SULF1: variants seen among roughly 807,000 people sequenced by gnomAD.
The protein encoded by SULF1 is sulfatase 1, also known as extracellular sulfatase Sulf-1.
In SULF1, 46 loss-of-function variants were observed where a neutral mutation model predicts 110.5. That is an observed-to-expected ratio of 0.42 (90% CI 0.33 to 0.53). The LOEUF is 0.53. SULF1 is among the 20% of genes least tolerant of loss of function. The pLI is 0.12. For synonymous variants in SULF1, 371 were observed against 387.1 expected (o/e 0.96, Z 0.49); for missense variants, 941 against 1,094.2 (o/e 0.86, Z 1.98).
intron 22 of SULF1, among the ~76,000 whole-genome samples, chr8:69,641,968 A>G (rs1811511977): frequency 6.6e-6 from 1 of 151,962 alleles, no homozygotes; most frequent in African/African-American, 2.4e-5. Flanking sequence ...TACTCTGAGC[A>G]CAGACCTCAG....
At chr8:69,597,823 T>G (rs1208742570) in intron 8 of SULF1, among the ~76,000 whole-genome samples, 2 of 152,196 alleles carry the variant, frequency 1.3e-5, no homozygotes, top group African/African-American at 4.8e-5. Flanking sequence ...AAAGAAACCC[T>G]GTGTAATCTG....
At chr8:69,576,353 G>T (rs1805610786) in intron 6 of SULF1, 144 bp downstream of exon 6, 2 of 898,768 alleles carry the variant, frequency 2.2e-6, no homozygotes, top group Non-Finnish European at 3.4e-6. Flanking sequence ...ATCTACCCCA[G>T]GGTCTGGGAC....
At chr8:69,561,187 A>G (rs935164644) in intron 3 of SULF1, among the ~76,000 whole-genome samples, 1 of 152,244 alleles carries the variant, frequency 6.6e-6, no homozygotes, top group Non-Finnish European at 1.5e-5. Flanking sequence ...TTAGCTTGAT[A>G]TAATCATTCC....
chr8:69,645,763 A>G (rs1376665748), intron 22 of SULF1, among the ~76,000 whole-genome samples: 1 of 152,200 alleles, frequency 6.6e-6, no homozygotes, highest in African/African-American at 2.4e-5. Flanking sequence ...GGGAAGGAGA[A>G]GAGAAGGATG....
chr8:69,504,983 T>A (rs1343462812), intron 3 of SULF1, among the ~76,000 whole-genome samples: 1 of 152,222 alleles, frequency 6.6e-6, no homozygotes, highest in East Asian at 1.9e-4. Context: ...TCATATCATT[T>A]GGGTATAAAG....
chr8:69,602,067 A>G (rs1022291616), intron 10 of SULF1, among the ~76,000 whole-genome samples: 1 of 152,122 alleles, frequency 6.6e-6, no homozygotes, highest in Admixed American at 6.5e-5. Flanking sequence ...TCTCAAATTG[A>G]CTGGAATCTA....
upstream of SULF1, among the ~76,000 whole-genome samples, chr8:69,489,835 C>T (rs111660895): frequency 3.4e-3 from 524 of 152,026 alleles, 5 homozygotes; most frequent in African/African-American, 0.012. Context: ...TGAGCCACTG[C>T]GCCCGGCCCC....
chr8:69,577,896 A>C (rs2150747969), intron 6 of SULF1, among the ~76,000 whole-genome samples: 1 of 152,286 alleles, frequency 6.6e-6, no homozygotes, highest in South Asian at 2.1e-4. Flanking sequence ...TTATGTAATG[A>C]TTCTCTTCTG....
chr8:69,659,209 C>T lies in SULF1; in HGVS notation c.*674C>T, dbSNP rs1049493364. ...GTTCACCATGGCCACCGCAGAACAC[C>T]GAAGTAATTCCAGCATAGCGGGGAA... On this transcript the variant is annotated 3_prime_UTR_variant, in exon 23 of 23. Transcript: ENST00000402687. 5 of 456,670 alleles carry T rather than the reference C, an allele frequency of 1.1e-5. No homozygotes were observed. Among genetic ancestry groups the T allele is most frequent in the South Asian group, 3.1e-5 (2 of 64,540 alleles). 28.3% of individuals were successfully genotyped at this position (456,670 alleles called of 1,614,324 possible).
rs368339176 is a variant in SULF1 at position 69,588,219 on chromosome 8, C to A, written c.565-753C>A. On this transcript the variant is annotated intron_variant, in intron 7 of 22. Coordinates refer to ENST00000402687, the MANE Select transcript of SULF1 (RefSeq NM_001128205.2). Reference sequence around the variant, plus strand: ...CTCCCTCTTACAGACCTGCATCAGCCCCCCCTGACTGTGGGTTAAGTCATT... The same window carrying A: ...CTCCCTCTTACAGACCTGCATCAGCACCCCCTGACTGTGGGTTAAGTCATT... Among the ~76,000 whole-genome samples the A allele has an allele frequency of 5.5e-4, 84 of 152,248 alleles. 1 individual carries two copies. The highest frequency in any genetic ancestry group is 3.6e-4 in the African/African-American group (15 of 41,538).
chr8:69,583,643 G>A (rs188258263), intron 6 of SULF1, among the ~76,000 whole-genome samples: 8 of 152,256 alleles, frequency 5.3e-5, no homozygotes, highest in African/African-American at 1.9e-4. Context: ...AAAGTCCCCA[G>A]AATACATTGG....
chr8:69,635,085 C>A (rs116827317), intron 19 of SULF1, among the ~76,000 whole-genome samples: 1 of 152,146 alleles, frequency 6.6e-6, no homozygotes, highest in Non-Finnish European at 1.5e-5. Flanking sequence ...CGTGAGCCAC[C>A]GCACCTGACC....
chr8:69,626,749 CG>C (rs1810090002), intron 15 of SULF1, among the ~76,000 whole-genome samples: 1 of 152,228 alleles, frequency 6.6e-6, no homozygotes, highest in African/African-American at 2.4e-5. Context: ...CCGCAAGGGC[CG>C]GCCGGCCTCT....
At chr8:69,590,586 G>C (rs1806823705) in intron 8 of SULF1, among the ~76,000 whole-genome samples, 1 of 152,214 alleles carries the variant, frequency 6.6e-6, no homozygotes, top group South Asian at 2.1e-4. Flanking sequence ...GGCCAGAGCT[G>C]ACTCAGGACA....
intron 10 of SULF1, among the ~76,000 whole-genome samples, chr8:69,602,416 A>G (rs1489355535): frequency 6.6e-6 from 1 of 152,258 alleles, no homozygotes; most frequent in African/African-American, 2.4e-5. Context: ...GTTTTGAATA[A>G]AATGGGATTG....
chr8:69,582,288 C>T (rs72658268), intron 6 of SULF1, among the ~76,000 whole-genome samples: 3 of 152,188 alleles, frequency 2.0e-5, no homozygotes, highest in East Asian at 1.9e-4. Flanking sequence ...ATGTAACCTC[C>T]GAAGAGATAT....
chr8:69,641,119 A>G (rs1811440056), intron 22 of SULF1: 1 of 332,198 alleles, frequency 3.0e-6, no homozygotes, highest in African/African-American at 2.1e-5. Context: ...GAATGATGTG[A>G]AGGAAAAAAA....
At position 69,621,093 on chromosome 8, in the gene SULF1, C is replaced by T; in HGVS notation, c.1436C>T (p.Pro479Leu). 6.2e-7 allele frequency: 1 copy of T among 1,613,934 alleles called. No individual in the cohort carries two copies. The part of the protein sequence containing the change: ...GKLRIHKCKG[P>L]SDLLTVRQST... ...CTTCGAATTCACAAGTGTAAAGGACCCAGTGACCTGCTCACAGTCCGGCAG... is the reference window on the plus strand; with the variant it reads ...CTTCGAATTCACAAGTGTAAAGGACTCAGTGACCTGCTCACAGTCCGGCAG... The change falls in exon 14 of 23, where the codon CCC (proline) becomes CTC (leucine). Residue 479 changes from proline (P) to leucine (L), a missense_variant. Transcript: ENST00000402687.
intron 1 of SULF1, among the ~76,000 whole-genome samples, chr8:69,482,396 T>C (rs2150544101): frequency 6.6e-6 from 1 of 152,342 alleles, no homozygotes; most frequent in South Asian, 2.1e-4. Flanking sequence ...TTGACAACCT[T>C]ATGGATCATG....
Sources: gnomAD v4.1 joint callset for allele counts (sites outside exome capture counted in the v4.1 genomes callset) on GRCh38, gnomAD v4.1.1 for gene constraint, MANE v1.5 for transcripts, NCBI Gene and HGNC (gene_info 2026-07-23, HGNC 2026-07-21) for gene names.